Variants in KIF26A observed in about 807,000 individuals in gnomAD.
KIF26A encodes kinesin family member 26A.
Under a neutral mutation model 126.0 loss-of-function variants are expected in KIF26A, and 74 were observed. The ratio of observed to expected loss-of-function variants is 0.59; its 90% CI spans 0.49 to 0.71. The LOEUF (loss-of-function observed/expected upper bound fraction) is 0.71, where lower values mean the gene tolerates loss of function less well. Ranked by LOEUF, KIF26A falls within the 30% of genes least tolerant of loss-of-function variation. The probability of loss-of-function intolerance (pLI) is 0.00; values close to 1 mark genes in which losing one functional copy is unlikely to be tolerated. For synonymous variants in KIF26A, 1,445 were observed against 1,232.7 expected (o/e 1.17, Z -3.61); for missense variants, 2,984 against 2,763.3 (o/e 1.08, Z -1.79).
chr14:104,172,078 T>G, intron 6 of KIF26A, 143 bp downstream of exon 6: 1 of 791,824 alleles, frequency 1.3e-6, no homozygotes, highest in Non-Finnish European at 2.0e-6. Context: ...GGCGCCTGCC[T>G]GCTTACCTCC....
rs1295215049 is a variant in KIF26A at position 104,152,151 on chromosome 14, T to C, written c.425T>C (p.Leu142Pro). The C allele has an allele frequency of 6.2e-7, 1 of 1,610,484 alleles. No individual in the cohort carries two copies. The highest frequency in any genetic ancestry group is 8.5e-7 in the Non-Finnish European group (1 of 1,179,290). Residue 142 changes from leucine to proline, a missense_variant, in exon 3 of 15, where the codon CTG becomes CCG. Coordinates refer to ENST00000423312, the MANE Select transcript of KIF26A (RefSeq NM_015656.2). This position sits in a 1 kb window ranked among gnomAD's most constrained non-coding sequence, Gnocchi z 5.9. Reference sequence around the variant, plus strand: ...CAGCTCACACGGGAGGCCATGCACCTGCTGCAGGCCCCTGCCAGCCATGAG... The same window carrying C: ...CAGCTCACACGGGAGGCCATGCACCCGCTGCAGGCCCCTGCCAGCCATGAG... The part of the protein sequence containing the change: ...LQQLTREAMH[L>P]LQAPASHEDL...
intron 11 of KIF26A, 50 bp from the exon 12 acceptor site, chr14:104,174,932 G>A (rs1596149020): frequency 6.9e-7 from 1 of 1,457,742 alleles, no homozygotes. Flanking sequence ...CGGGGAAGCG[G>A]GGGCGTGTAG....
chr14:104,142,183 C>T (rs544197908), intron 2 of KIF26A, among the ~76,000 whole-genome samples: 2 of 152,070 alleles, frequency 1.3e-5, no homozygotes, highest in Non-Finnish European at 2.9e-5. Context: ...GCTCTGGTGC[C>T]CCGTCTGGGG....
chr14:104,173,706 T>C lies in KIF26A; in HGVS notation c.1868T>C (p.Met623Thr), dbSNP rs1453556542. The C allele has an allele frequency of 6.2e-7, 1 of 1,610,694 alleles. No individual in the cohort carries two copies. Among genetic ancestry groups the C allele is most frequent in the Admixed American group, 1.7e-5 (1 of 59,884 alleles). The change falls in exon 10 of 15, where the codon ATG (methionine) becomes ACG (threonine). Residue 623 changes from methionine (M) to threonine (T), a missense_variant and splice_region_variant. Transcript: ENST00000423312. ...YRMEKCGRGG[M>T]SGGRSRLHLI... is the part of the protein sequence containing the mutation. ...TCATTTGCTTGCCTTGTGGTTCCAG[T>C]GTCCGGAGGCCGCAGCCGCCTGCAC...
intron 2 of KIF26A, among the ~76,000 whole-genome samples, chr14:104,141,656 G>A (rs1450361717): frequency 6.7e-6 from 1 of 148,484 alleles, no homozygotes; most frequent in Admixed American, 6.6e-5. Context: ...GTAGAGGGTC[G>A]GGGCCCAGCC....
At chr14:104,153,964 G>A (rs2037754334) in intron 3 of KIF26A, among the ~76,000 whole-genome samples, 1 of 152,196 alleles carries the variant, frequency 6.6e-6, no homozygotes, top group Non-Finnish European at 1.5e-5. Context: ...CACATTGATC[G>A]TGGCCAGGGT....
At chr14:104,160,235 G>A (rs1349658923) in intron 4 of KIF26A, among the ~76,000 whole-genome samples, 1 of 152,164 alleles carries the variant, frequency 6.6e-6, no homozygotes, top group African/African-American at 2.4e-5. Flanking sequence ...ATTGCCAAGT[G>A]GAGACGGAAT....
Position 104,148,243 on chromosome 14 carries a change from G to A in KIF26A, c.289-3772G>A, listed in dbSNP as rs547396043. On this transcript the variant is annotated intron_variant, in intron 2 of 14. Coordinates refer to ENST00000423312, the MANE Select transcript of KIF26A (RefSeq NM_015656.2). This position sits in a 1 kb window ranked among gnomAD's most constrained non-coding sequence, Gnocchi z 4.3. ...GAACAAAGTCATGATTTGTAAGTAG[G>A]GGGGAGACTCCCTAAAACCCAGGCG... is the stretch of plus-strand genomic sequence containing the variant. Among the ~76,000 whole-genome samples the A allele has an allele frequency of 3.3e-5, 5 of 152,172 alleles. No individual in the cohort carries two copies. The highest frequency in any genetic ancestry group is 5.9e-5 in the Non-Finnish European group (4 of 68,026).
At chr14:104,165,803 GTGTGTC>G (rs2037891654) in intron 4 of KIF26A, among the ~76,000 whole-genome samples, 2 of 151,800 alleles carry the variant, frequency 1.3e-5, no homozygotes, top group Non-Finnish European at 2.9e-5. Context: ...GTGTGCATAT[GTGTGTC>G]TGTGTGTTTC....
chr14:104,178,760 G>C lies in KIF26A; in HGVS notation c.5316+5G>C. 6.8e-7 allele frequency: 1 copy of C among 1,478,350 alleles called. No individual in the cohort carries two copies. Among genetic ancestry groups the C allele is most frequent in the Non-Finnish European group, 9.1e-7 (1 of 1,093,094 alleles). The allele number at this position is 1,478,350 out of a possible 1,614,324, so 91.6% of individuals were successfully genotyped here. A position where few individuals can be genotyped will look rare whatever the true frequency, so the allele number is the denominator to read the frequency against. ...CCGAGGGAGGCCCCCACCCAGGTAG[G>C]GCCTTTGGTGGGCTGGGGTCTATGA... On this transcript the variant is annotated splice_donor_5th_base_variant and intron_variant, in intron 13 of 14. Transcript: ENST00000423312.
Position 104,175,946 on chromosome 14 carries a change from G to C in KIF26A, c.3158G>C (p.Ser1053Thr). The C allele has an allele frequency of 1.3e-6, 2 of 1,563,860 alleles. No homozygotes were observed. Among genetic ancestry groups the C allele is most frequent in the Non-Finnish European group, 1.7e-6 (2 of 1,160,988 alleles). ...GALAGAGRPT[S>T]LASFDSDCSL... The stretch of plus-strand genomic sequence containing the variant: ...CTTGCCGGAGCTGGGCGGCCCACCA[G>C]CCTGGCTAGCTTCGACAGTGACTGC... The change falls in exon 12 of 15, where the codon AGC becomes ACC. Residue 1053 changes from serine to threonine, a missense_variant. Transcript: ENST00000423312.
chr14:104,176,198 C>T lies in KIF26A; in HGVS notation c.3410C>T (p.Ser1137Leu), dbSNP rs779421856. 38 of 1,600,978 alleles carry T rather than the reference C, an allele frequency of 2.4e-5. No homozygotes were observed. The highest frequency in any genetic ancestry group is 3.1e-5 in the Non-Finnish European group (36 of 1,175,000). The change falls in exon 12 of 15, where the codon TCG becomes TTG. Residue 1137 changes from serine (S) to leucine (L), a missense_variant. Physicochemically the swap from Ser to Leu is moderately radical, Grantham distance 145. Transcript: ENST00000423312. Reference protein sequence around the residue: ...PTPQPRFSPDSLAGLDPGGPP... With the variant: ...PTPQPRFSPDLLAGLDPGGPP... ...CCGCAGCCCCGCTTCAGCCCCGACT[C>T]GCTGGCAGGGCTTGACCCTGGGGGC...
At chr14:104,166,300 T>C (rs748389164) in intron 4 of KIF26A, among the ~76,000 whole-genome samples, 1 of 152,068 alleles carries the variant, frequency 6.6e-6, no homozygotes, top group Non-Finnish European at 1.5e-5. Context: ...ACAGCAGGAT[T>C]AATTGAGCCC....
chr14:104,166,784 T>C (rs2037908395), intron 4 of KIF26A, 75 bp from the exon 5 acceptor site: 12 of 1,372,690 alleles, frequency 8.7e-6, no homozygotes, highest in South Asian at 5.9e-5. Context: ...TGGGATCGCC[T>C]GGTGACTCGC....
Position 104,152,560 on chromosome 14 carries a change from C to A in KIF26A, c.735+99C>A. On this transcript the variant is annotated intron_variant, in intron 3 of 14. Coordinates refer to ENST00000423312, the MANE Select transcript of KIF26A (RefSeq NM_015656.2). The surrounding 1 kb of genome is among the most constrained non-coding windows in gnomAD (Gnocchi z 5.9). ...CCACGTTGAGTGCCCTGCAGTAAGGCTTCCCTGAAGGGAGGGGACGGCGGG... is the reference window on the plus strand; with the variant it reads ...CCACGTTGAGTGCCCTGCAGTAAGGATTCCCTGAAGGGAGGGGACGGCGGG... 8.2e-7 allele frequency: 1 copy of A among 1,224,286 alleles called. No homozygotes were observed. The highest frequency in any genetic ancestry group is 1.1e-6 in the Non-Finnish European group (1 of 903,462). The allele number at this position is 1,224,286 out of a possible 1,614,324, so 75.8% of individuals were successfully genotyped here.
chr14:104,158,021 C>T (rs1596138786), intron 4 of KIF26A, 79 bp downstream of exon 4: 2 of 1,350,088 alleles, frequency 1.5e-6, no homozygotes, highest in Non-Finnish European at 2.0e-6. Flanking sequence ...GACCTATGGG[C>T]CGTTCTTGGG....
intron 4 of KIF26A, among the ~76,000 whole-genome samples, chr14:104,160,331 C>T (rs1446668934): frequency 6.6e-6 from 1 of 152,100 alleles, no homozygotes; most frequent in Admixed American, 6.5e-5. Flanking sequence ...ACCCCCCAGC[C>T]GGATTAGGGC....
intron 4 of KIF26A, among the ~76,000 whole-genome samples, chr14:104,162,358 G>T (rs1178276999): frequency 2.0e-5 from 3 of 152,198 alleles, no homozygotes. Context: ...CTGTCTAGGC[G>T]GCCTGGGCCC....
At position 104,151,155 on chromosome 14, in the gene KIF26A, C is replaced by T. The variant is rs566220719; in HGVS notation, c.289-860C>T. On this transcript the variant is annotated intron_variant, in intron 2 of 14. Coordinates refer to ENST00000423312, the MANE Select transcript of KIF26A (RefSeq NM_015656.2). This position sits in a 1 kb window ranked among gnomAD's most constrained non-coding sequence, Gnocchi z 4.9. ...TCTGTGGCTTGTCTCCTTCTTGCTC[C>T]TCCTCCTCTTCCTGGAAGATGTCAC... Among the ~76,000 whole-genome samples, 53 of 152,306 alleles carry T rather than the reference C, an allele frequency of 3.5e-4. No individual in the cohort carries two copies. Among genetic ancestry groups the T allele is most frequent in the African/African-American group, 1.2e-3 (49 of 41,566 alleles).
Sources: allele counts gnomAD v4.1 joint callset (sites outside exome capture counted in the v4.1 genomes callset), GRCh38; gene constraint gnomAD v4.1.1; non-coding constraint Gnocchi (gnomAD v3.1); transcripts MANE v1.5; gene names NCBI Gene and HGNC (gene_info 2026-07-23, HGNC 2026-07-21).